Variants in MEF2C observed in about 807,000 individuals in gnomAD.
MEF2C encodes myocyte-specific enhancer factor 2C.
In MEF2C, 6 loss-of-function variants were observed where a neutral mutation model predicts 50.5. The ratio of observed to expected loss-of-function variants is 0.12; its 90% CI spans 0.07 to 0.23. The LOEUF (loss-of-function observed/expected upper bound fraction) is 0.23. MEF2C is among the 10% of genes least tolerant of loss of function. MEF2C has a pLI of 1.00. For synonymous variants in MEF2C, 183 were observed against 228.0 expected (o/e 0.80, Z 1.78); for missense variants, 276 against 605.0 (o/e 0.46, Z 5.70).
chr5:88,832,474 GTAAGTTCTGTAA>G (rs1813441258), intron 1 of MEF2C, among the ~76,000 whole-genome samples: 1 of 151,892 alleles, frequency 6.6e-6, no homozygotes, highest in Non-Finnish European at 1.5e-5. Context: ...ATGCCCAATT[GTAAGTTCTGTAA>G]TGATGTTCCC....
At chr5:88,888,133 C>G (rs921692384), upstream of MEF2C, 7 of 152,246 alleles carry the variant, frequency 4.6e-5, no homozygotes, top group African/African-American at 1.7e-4. Context: ...GATGTGTATT[C>G]AGTACGGTTT....
chr5:88,735,124 A>G (rs1357177801), intron 6 of MEF2C: 5 of 985,290 alleles, frequency 5.1e-6, no homozygotes, highest in South Asian at 4.7e-5. Context: ...TTGAAAATCA[A>G]TGATGAATAC....
At chr5:88,801,933 C>T (rs1173128268) in intron 3 of MEF2C, among the ~76,000 whole-genome samples, 3 of 152,328 alleles carry the variant, frequency 2.0e-5, no homozygotes, top group Middle Eastern at 3.4e-3. Context: ...GCGGTCCCAT[C>T]TTACTTCTTT....
chr5:88,766,173 C>A (rs959047888), intron 3 of MEF2C, among the ~76,000 whole-genome samples: 2 of 152,114 alleles, frequency 1.3e-5, no homozygotes, highest in Admixed American at 6.5e-5. Flanking sequence ...ACTTGAAATA[C>A]GTACAAACTG....
At chr5:88,784,796 T>A (rs1312193654) in intron 3 of MEF2C, among the ~76,000 whole-genome samples, 3 of 152,184 alleles carry the variant, frequency 2.0e-5, no homozygotes, top group African/African-American at 2.4e-5. Context: ...GCTCACTATC[T>A]AGGTTGAAAA....
intron 2 of MEF2C, among the ~76,000 whole-genome samples, chr5:88,810,149 T>C: frequency 6.6e-6 from 1 of 152,124 alleles, no homozygotes; most frequent in Admixed American, 6.6e-5. Flanking sequence ...GGTATAATTT[T>C]ATGTTAGAGT....
At chr5:88,744,766 C>A (rs1253652703) in intron 6 of MEF2C, among the ~76,000 whole-genome samples, 1 of 152,118 alleles carries the variant, frequency 6.6e-6, no homozygotes, top group Non-Finnish European at 1.5e-5. Flanking sequence ...TTCTTTATTA[C>A]CCTTTGTCTT....
chr5:88,903,210 G>A (rs926704191), intron 1 of MEF2C, among the ~76,000 whole-genome samples: 35 of 151,844 alleles, frequency 2.3e-4, no homozygotes, highest in African/African-American at 7.9e-4. Context: ...GGAAATCAGT[G>A]ATGTAAAAAC....
At chr5:88,894,280 G>A (rs1322940720) in intron 1 of MEF2C, among the ~76,000 whole-genome samples, 1 of 152,134 alleles carries the variant, frequency 6.6e-6, no homozygotes, top group Non-Finnish European at 1.5e-5. Context: ...TAAAACCAAT[G>A]TGTTTGTTTC....
intron 4 of MEF2C, among the ~76,000 whole-genome samples, chr5:88,756,826 A>G (rs1450881418): frequency 6.6e-6 from 1 of 152,158 alleles, no homozygotes; most frequent in Non-Finnish European, 1.5e-5. Context: ...GCCAAAAAGT[A>G]GTTAAAAACA....
At chr5:88,783,351 G>A (rs576084684) in intron 3 of MEF2C, among the ~76,000 whole-genome samples, 11 of 152,246 alleles carry the variant, frequency 7.2e-5, no homozygotes, top group Admixed American at 5.2e-4. Flanking sequence ...AGAGTTGGCC[G>A]GGTGCAGTGG....
intron 6 of MEF2C, chr5:88,740,088 G>T (rs1216801585): frequency 1.0e-6 from 1 of 985,324 alleles, no homozygotes. Context: ...GGCCATACCA[G>T]TTCAGGGGCA....
intron 1 of MEF2C, among the ~76,000 whole-genome samples, chr5:88,878,660 T>A (rs1275033421): frequency 3.3e-5 from 5 of 152,090 alleles, no homozygotes; most frequent in Admixed American, 1.3e-4. Flanking sequence ...TAGAAAATTT[T>A]GCATTTATCT....
chr5:88,810,045 T>A (rs1802114932), intron 2 of MEF2C, among the ~76,000 whole-genome samples: 1 of 152,128 alleles, frequency 6.6e-6, no homozygotes, highest in Admixed American at 6.6e-5. Context: ...CCCTCAGGCC[T>A]CTCACAGACT....
chr5:88,808,931 C>A (rs997061658), intron 2 of MEF2C, among the ~76,000 whole-genome samples: 3 of 151,942 alleles, frequency 2.0e-5, no homozygotes, highest in East Asian at 1.9e-4. Flanking sequence ...ATGTTTGGAA[C>A]CTTAGGTGAG....
At chr5:88,777,694 TAAA>T (rs542158077) in intron 3 of MEF2C, among the ~76,000 whole-genome samples, 1 of 152,158 alleles carries the variant, frequency 6.6e-6, no homozygotes, top group Non-Finnish European at 1.5e-5. Context: ...CATTTTCTGA[TAAA>T]AAATATTATC....
rs1756268575 is a variant in MEF2C, at chr5:88,721,294, T to TG, written c.*1309dup. 6.6e-6 allele frequency: 1 copy of TG among 152,618 alleles called. No individual in the cohort carries two copies. The highest frequency in any genetic ancestry group is 2.4e-5 in the African/African-American group (1 of 41,452). 9.5% of individuals were successfully genotyped at this position (152,618 alleles called of 1,614,324 possible). The stretch of plus-strand genomic sequence containing the variant: ...AAATGGTGAGATCAGAAAGGGGCCC[T>TG]GCATTTGATAAAAATGCAAAAAACA... On this transcript the variant is annotated 3_prime_UTR_variant, in exon 11 of 11. Transcript: ENST00000504921.
At chr5:88,836,791 A>G (rs1325526249) in intron 1 of MEF2C, among the ~76,000 whole-genome samples, 4 of 152,170 alleles carry the variant, frequency 2.6e-5, no homozygotes, top group Non-Finnish European at 5.9e-5. Context: ...CTTCCCCTGT[A>G]AAAAAGATCA....
At position 88,719,940 on chromosome 5, in the gene MEF2C, C is replaced by CT. The variant is rs1319963007; in HGVS notation, c.*2663dup. On this transcript the variant is annotated 3_prime_UTR_variant, in exon 11 of 11. Transcript: ENST00000504921. ...AGGCTTCTGCTGGTACTTTAGCTTA[C>CT]TTTATCTTCAGCATTAAAAATTCAC... is the stretch of plus-strand genomic sequence containing the variant. 6.6e-6 allele frequency: 1 copy of CT among 152,158 alleles called. No homozygotes were observed. Among genetic ancestry groups the CT allele is most frequent in the Non-Finnish European group, 1.5e-5 (1 of 68,012 alleles). 9.4% of individuals were successfully genotyped at this position (152,158 alleles called of 1,614,324 possible).
Sources: gnomAD v4.1 joint callset for allele counts (sites outside exome capture counted in the v4.1 genomes callset) on GRCh38, gnomAD v4.1.1 for gene constraint, MANE v1.5 for transcripts, NCBI Gene and HGNC (gene_info 2026-07-23, HGNC 2026-07-21) for gene names.